Variants in LIMCH1 observed in about 807,000 individuals in gnomAD.
LIMCH1 encodes LIM and calponin homology domains 1.
LIMCH1 carries 113 observed loss-of-function variants against 176.5 expected under a neutral mutation model. The observed-to-expected ratio is 0.64, with a 90% confidence interval of 0.55 to 0.75. The LOEUF is 0.75. Among genes scored for constraint, LIMCH1 ranks in the 30% least tolerant of loss-of-function variants. The probability of loss-of-function intolerance (pLI) is 0.00; values close to 1 mark genes in which losing one functional copy is unlikely to be tolerated. For missense variants in LIMCH1, 1,674 were observed against 1,814.9 expected (o/e 0.92, Z 1.41); for synonymous variants, 619 against 645.9 (o/e 0.96, Z 0.63).
At chr4:41,658,493 G>C (rs1163892549) in intron 18 of LIMCH1, among the ~76,000 whole-genome samples, 1 of 152,144 alleles carries the variant, frequency 6.6e-6, no homozygotes, top group African/African-American at 2.4e-5. Context: ...GTGGTATGCT[G>C]GTACAATAAG....
chr4:41,452,992 T>C (rs2064083440), intron 1 of LIMCH1, among the ~76,000 whole-genome samples: 1 of 152,210 alleles, frequency 6.6e-6, no homozygotes, highest in South Asian at 2.1e-4. Flanking sequence ...CTTCAGTGCC[T>C]GCTGTGTTCT....
At chr4:41,521,227 C>A (rs544572455) in intron 2 of LIMCH1, among the ~76,000 whole-genome samples, 1 of 152,198 alleles carries the variant, frequency 6.6e-6, no homozygotes, top group African/African-American at 2.4e-5. Flanking sequence ...AATAAAATGG[C>A]CTAAGAGGTG....
chr4:41,449,731 G>C (rs1403371666), intron 1 of LIMCH1, among the ~76,000 whole-genome samples: 2 of 152,200 alleles, frequency 1.3e-5, no homozygotes, highest in East Asian at 1.9e-4. Context: ...AAAGCTTATT[G>C]ATTGGGCACT....
chr4:41,662,304 T>C (rs2094651198), intron 19 of LIMCH1, among the ~76,000 whole-genome samples: 1 of 152,216 alleles, frequency 6.6e-6, no homozygotes, highest in Admixed American at 6.5e-5. Context: ...GTGAACCTAA[T>C]TCTTCTTTAT....
intron 2 of LIMCH1, among the ~76,000 whole-genome samples, chr4:41,512,785 T>G (rs1034578032): frequency 1.2e-4 from 18 of 152,156 alleles, no homozygotes; most frequent in African/African-American, 2.2e-4. Context: ...ACTAATGGAT[T>G]TGGGGCTTCT....
intron 6 of LIMCH1, chr4:41,620,100 C>A: frequency 7.5e-6 from 2 of 267,060 alleles, no homozygotes; most frequent in South Asian, 5.9e-5. Flanking sequence ...TCTAATAGTC[C>A]ATCTGTACTA....
intron 30 of LIMCH1, among the ~76,000 whole-genome samples, chr4:41,689,916 G>C (rs535511409): frequency 2.2e-3 from 340 of 152,284 alleles, no homozygotes; most frequent in Middle Eastern, 3.4e-3. Flanking sequence ...TGGGATGCTG[G>C]GGAGGATGAT....
In LIMCH1 at chr4:41,697,013, C is replaced by G. The variant is rs528063198; in HGVS notation, c.4379-147C>G. 1.4e-5 allele frequency: 11 copies of G among 761,158 alleles called. No homozygotes were observed. In the East Asian group the frequency reaches 2.5e-4, roughly 18 times the overall value. 47.2% of individuals were successfully genotyped at this position (761,158 alleles called of 1,614,324 possible). A position where few individuals can be genotyped will look rare whatever the true frequency, so the allele number is the denominator to read the frequency against. ...CAGTACTACTTGTCCTGGGGCCACACTTCAAGTAGCAGGATGGGAGAAGTT... is the reference window on the plus strand; with the variant it reads ...CAGTACTACTTGTCCTGGGGCCACAGTTCAAGTAGCAGGATGGGAGAAGTT... On this transcript the variant is annotated intron_variant, in intron 31 of 31. Coordinates refer to ENST00000503057, the MANE Select transcript of LIMCH1 (RefSeq NM_001330672.2).
chr4:41,646,382 A>G, intron 16 of LIMCH1, 102 bp downstream of exon 16: 2 of 1,501,656 alleles, frequency 1.3e-6, no homozygotes, highest in South Asian at 2.6e-5. Context: ...GTAACATTTT[A>G]TATTCCCTGT....
intron 1 of LIMCH1, among the ~76,000 whole-genome samples, chr4:41,458,693 G>C (rs2064920309): frequency 6.7e-6 from 1 of 148,870 alleles, no homozygotes; most frequent in African/African-American, 2.5e-5. Flanking sequence ...AGAATGGCGT[G>C]AACCTGGGGG....
chr4:41,547,874 TATATATATATATATATATATATAA>T (rs2079790831), intron 1 of LIMCH1, among the ~76,000 whole-genome samples: 1 of 134,654 alleles, frequency 7.4e-6, no homozygotes, highest in African/African-American at 3.0e-5. Flanking sequence ...TATATATATA[TATATATATATATATATATATATAA>T]ACAGTGAGTA....
chr4:41,520,375 A>G (rs2076001721), intron 2 of LIMCH1, among the ~76,000 whole-genome samples: 1 of 152,132 alleles, frequency 6.6e-6, no homozygotes, highest in Non-Finnish European at 1.5e-5. Flanking sequence ...CTCGTTGGCT[A>G]AAGTCTCTTG....
intron 1 of LIMCH1, among the ~76,000 whole-genome samples, chr4:41,471,327 T>C (rs1438259510): frequency 6.6e-6 from 1 of 152,218 alleles, no homozygotes; most frequent in Non-Finnish European, 1.5e-5. Flanking sequence ...AGAAGCTGAC[T>C]CACCTTGAAC....
intron 2 of LIMCH1, among the ~76,000 whole-genome samples, chr4:41,503,371 G>A (rs1181914367): frequency 1.3e-5 from 2 of 152,018 alleles, no homozygotes; most frequent in African/African-American, 2.4e-5. Flanking sequence ...TGGAGAGTTG[G>A]GGAGGAAAGT....
At chr4:41,532,052 A>T (rs541722560) in intron 3 of LIMCH1, among the ~76,000 whole-genome samples, 1 of 152,304 alleles carries the variant, frequency 6.6e-6, no homozygotes, top group South Asian at 2.1e-4. Context: ...CCCACACCAC[A>T]CACAGAGGGA....
upstream of LIMCH1, among the ~76,000 whole-genome samples, chr4:41,534,005 C>T (rs186729159): frequency 1.3e-5 from 2 of 152,320 alleles, no homozygotes; most frequent in East Asian, 3.9e-4. Flanking sequence ...ACCAGAAATG[C>T]CATCTGGGGG....
chr4:41,416,553 G>C (rs1337705733), intron 1 of LIMCH1, among the ~76,000 whole-genome samples: 1 of 151,610 alleles, frequency 6.6e-6, no homozygotes, highest in African/African-American at 2.4e-5. Context: ...AGCTGCTCAG[G>C]AGGCTGAGGC....
In LIMCH1 at chr4:41,629,602, A is replaced by T; in HGVS notation, c.1139A>T (p.Asp380Val). The T allele has an allele frequency of 1.3e-6, 2 of 1,536,078 alleles. No homozygotes were observed. The highest frequency in any genetic ancestry group is 1.7e-6 in the Non-Finnish European group (2 of 1,146,898). Reference protein sequence around the residue: ...GLRKVPDLHKDDLAQQRIQGS... With the variant: ...GLRKVPDLHKVDLAQQRIQGS... The stretch of plus-strand genomic sequence containing the variant: ...AGGAAGGTGCCAGATCTTCACAAGG[A>T]TGACCTGGCCCAGCAGAGAATTCAG... The change falls in exon 9 of 32, where the codon GAT becomes GTT. Residue 380 changes from aspartate to valine, a missense_variant. Physicochemically the swap from Asp to Val is radical, Grantham distance 152. Coordinates refer to ENST00000503057, the MANE Select transcript of LIMCH1 (RefSeq NM_001330672.2).
chr4:41,465,511 C>T (rs911618926), intron 1 of LIMCH1, among the ~76,000 whole-genome samples: 4 of 152,084 alleles, frequency 2.6e-5, no homozygotes, highest in Non-Finnish European at 5.9e-5. Context: ...TCTCCTGGTG[C>T]TCCCTGCCCA....
Sources: allele counts gnomAD v4.1 joint callset (sites outside exome capture counted in the v4.1 genomes callset), GRCh38; gene constraint gnomAD v4.1.1; transcripts MANE v1.5; gene names NCBI Gene and HGNC (gene_info 2026-07-23, HGNC 2026-07-21).